Variants in TNFSF4 observed in about 807,000 individuals in gnomAD.
TNFSF4 encodes the protein TNF superfamily member 4.
Under a neutral mutation model 7.3 loss-of-function variants are expected in TNFSF4, and 4 were observed. The ratio of observed to expected loss-of-function variants is 0.55; its 90% CI spans 0.27 to 1.25. TNFSF4 has a LOEUF of 1.25. Ranked by LOEUF, TNFSF4 falls within the 50% of genes most tolerant of loss-of-function variation. The pLI, the probability that TNFSF4 is intolerant of heterozygous loss-of-function variation, is 0.12. For missense variants in TNFSF4, 181 were observed against 208.8 expected (o/e 0.87, Z 0.82); for synonymous variants, 76 against 83.7 (o/e 0.91, Z 0.50).
chr1:173,447,979 C>T, the TNFSF4 span, among the ~76,000 whole-genome samples: 3 of 151,980 alleles, frequency 2.0e-5, no homozygotes, highest in African/African-American at 7.2e-5. Flanking sequence ...AATGTAGTGG[C>T]TATATTAATA....
the TNFSF4 span, among the ~76,000 whole-genome samples, chr1:173,388,303 T>C: frequency 6.6e-6 from 1 of 152,386 alleles, no homozygotes; most frequent in East Asian, 1.9e-4. Context: ...TTTAAATGTG[T>C]ACATTTATAT....
chr1:173,371,110 G>A, the TNFSF4 span, among the ~76,000 whole-genome samples: 1 of 152,152 alleles, frequency 6.6e-6, no homozygotes, highest in East Asian at 1.9e-4. Flanking sequence ...TGAGCCCCAG[G>A]TACGTTTGAC....
At chr1:173,330,566 C>T in the TNFSF4 span, among the ~76,000 whole-genome samples, 1 of 152,208 alleles carries the variant, frequency 6.6e-6, no homozygotes, top group Non-Finnish European at 1.5e-5. Context: ...TTAGTCATAT[C>T]CTGTGCTTCA....
downstream of TNFSF4, among the ~76,000 whole-genome samples, chr1:173,182,748 G>C (rs1487233254): frequency 6.6e-6 from 1 of 152,214 alleles, no homozygotes; most frequent in Non-Finnish European, 1.5e-5. Flanking sequence ...GCTGATGTGG[G>C]AGCATTGATT....
At chr1:173,376,813 T>C in the TNFSF4 span, among the ~76,000 whole-genome samples, 1 of 152,304 alleles carries the variant, frequency 6.6e-6, no homozygotes, top group Admixed American at 6.5e-5. Flanking sequence ...AAATAAATCT[T>C]GCTTCTGCTC....
At chr1:173,367,056 A>G in the TNFSF4 span, among the ~76,000 whole-genome samples, 12 of 152,354 alleles carry the variant, frequency 7.9e-5, no homozygotes, top group African/African-American at 2.6e-4. Flanking sequence ...TTTTATGACA[A>G]ATGGTTAATA....
the TNFSF4 span, among the ~76,000 whole-genome samples, chr1:173,228,602 A>C: frequency 1.3e-5 from 2 of 152,242 alleles, no homozygotes; most frequent in African/African-American, 4.8e-5. Flanking sequence ...AAGTTGAGAG[A>C]AGAAGGCTTC....
At chr1:173,420,464 G>C in the TNFSF4 span, among the ~76,000 whole-genome samples, 1 of 152,192 alleles carries the variant, frequency 6.6e-6, no homozygotes. Context: ...GGTTTAGCAT[G>C]TTTTCCAACG....
the TNFSF4 span, among the ~76,000 whole-genome samples, chr1:173,226,431 C>A: frequency 6.6e-6 from 1 of 152,152 alleles, no homozygotes; most frequent in South Asian, 2.1e-4. Flanking sequence ...GCCATATGAT[C>A]CAGCTTTGAC....
the TNFSF4 span, among the ~76,000 whole-genome samples, chr1:173,277,937 G>C: frequency 1.3e-5 from 2 of 152,192 alleles, no homozygotes; most frequent in African/African-American, 4.8e-5. Flanking sequence ...TAGGAGGGAG[G>C]ATTACACTAA....
the TNFSF4 span, among the ~76,000 whole-genome samples, chr1:173,301,698 C>A: frequency 1.3e-5 from 2 of 151,862 alleles, no homozygotes; most frequent in South Asian, 4.1e-4. Flanking sequence ...CACCACCACA[C>A]TGTCACTCCT....
chr1:173,373,897 A>G, the TNFSF4 span, among the ~76,000 whole-genome samples: 44 of 152,338 alleles, frequency 2.9e-4, 1 homozygote, highest in African/African-American at 7.9e-4. Flanking sequence ...CAAAGATTAT[A>G]AAGTGACAAT....
the TNFSF4 span, among the ~76,000 whole-genome samples, chr1:173,356,652 T>C: frequency 2.0e-5 from 3 of 152,190 alleles, no homozygotes; most frequent in Non-Finnish European, 4.4e-5. Flanking sequence ...CAATCCAAGC[T>C]ATATGTCTTT....
the TNFSF4 span, among the ~76,000 whole-genome samples, chr1:173,387,511 T>C: frequency 6.5e-4 from 99 of 152,182 alleles, no homozygotes; most frequent in African/African-American, 2.2e-3. Context: ...TATCTAGTCA[T>C]AGGTATTTTG....
the TNFSF4 span, among the ~76,000 whole-genome samples, chr1:173,212,449 G>A: frequency 4.6e-5 from 7 of 152,024 alleles, no homozygotes; most frequent in African/African-American, 9.7e-5. Context: ...AGCCTCACCC[G>A]GATTTCCCAG....
At chr1:173,435,914 C>A in the TNFSF4 span, among the ~76,000 whole-genome samples, 1 of 152,146 alleles carries the variant, frequency 6.6e-6, no homozygotes. Context: ...AAAAGAAAAC[C>A]TAGTACACAT....
At chr1:173,362,474 T>C in the TNFSF4 span, 1 of 531,590 alleles carries the variant, frequency 1.9e-6, no homozygotes, top group Admixed American at 2.0e-5. Context: ...TTCTCTACCT[T>C]CTGTTTCTCC....
At chr1:173,204,618 A>C (rs1251607456) in intron 1 of TNFSF4, among the ~76,000 whole-genome samples, 1 of 152,132 alleles carries the variant, frequency 6.6e-6, no homozygotes, top group Non-Finnish European at 1.5e-5. Flanking sequence ...CTCACAATAA[A>C]AGAGGTCCAA....
At chr1:173,327,881 T>C in the TNFSF4 span, among the ~76,000 whole-genome samples, 3 of 151,862 alleles carry the variant, frequency 2.0e-5, no homozygotes, top group Non-Finnish European at 4.4e-5. Context: ...TGTGGAGAAA[T>C]AGGAACACTT....
Sources: gnomAD v4.1 joint callset for allele counts (sites outside exome capture counted in the v4.1 genomes callset) on GRCh38, gnomAD v4.1.1 for gene constraint, MANE v1.5 for transcripts, NCBI Gene and HGNC (gene_info 2026-07-23, HGNC 2026-07-21) for gene names.